Variants in COBL observed in about 807,000 individuals in gnomAD.
COBL encodes protein cordon-bleu.
A neutral mutation model predicts 98.8 loss-of-function variants in COBL; 51 were observed. The observed-to-expected ratio is 0.52, with a 90% confidence interval of 0.41 to 0.65. COBL has a LOEUF of 0.65. COBL is among the 30% of genes least tolerant of loss of function. The pLI, the probability that COBL is intolerant of heterozygous loss-of-function variation, is 0.00. For synonymous variants in COBL, 634 were observed against 651.7 expected (o/e 0.97, Z 0.41); for missense variants, 1,617 against 1,617.5 (o/e 1.00, Z 0.01).
intron 5 of COBL, among the ~76,000 whole-genome samples, chr7:51,150,620 A>G (rs528212707): frequency 6.7e-4 from 102 of 152,320 alleles, no homozygotes; most frequent in Non-Finnish European, 1.1e-3. Context: ...GAGAAAACAG[A>G]AACTATAACT....
chr7:51,216,686 T>G (rs575141502), intron 2 of COBL, among the ~76,000 whole-genome samples: 23 of 152,182 alleles, frequency 1.5e-4, no homozygotes, highest in Non-Finnish European at 2.9e-4. Flanking sequence ...AAAAAAAAAT[T>G]CACTGATTTT....
chr7:51,287,545 A>G (rs1800485121), intron 1 of COBL, among the ~76,000 whole-genome samples: 1 of 152,232 alleles, frequency 6.6e-6, no homozygotes, highest in Non-Finnish European at 1.5e-5. Flanking sequence ...GCAAAATGGT[A>G]CAGACACTCT....
chr7:51,301,635 T>C (rs1801977399), intron 1 of COBL, among the ~76,000 whole-genome samples: 1 of 152,234 alleles, frequency 6.6e-6, no homozygotes, highest in East Asian at 1.9e-4. Context: ...GCTCCTCTGC[T>C]TAAGGCCTCT....
At chr7:51,175,951 C>A (rs920357739) in intron 5 of COBL, among the ~76,000 whole-genome samples, 1 of 152,192 alleles carries the variant, frequency 6.6e-6, no homozygotes, top group African/African-American at 2.4e-5. Context: ...ACTACCCCCA[C>A]GGGCAGCTTT....
At chr7:51,030,973 C>A (rs766381717) in intron 8 of COBL, 64 bp from the exon 9 acceptor site, 1 of 1,080,210 alleles carries the variant, frequency 9.3e-7, no homozygotes, top group Non-Finnish European at 1.4e-6. Context: ...GTACTCCTTT[C>A]CAGGAATATC....
chr7:51,264,738 A>T (rs913700472), intron 1 of COBL, among the ~76,000 whole-genome samples: 4 of 152,110 alleles, frequency 2.6e-5, no homozygotes, highest in Admixed American at 2.0e-4. Flanking sequence ...AATGCTTTTA[A>T]ATGCACATTG....
intron 2 of COBL, among the ~76,000 whole-genome samples, chr7:51,199,158 C>G (rs1038082922): frequency 2.0e-5 from 3 of 152,170 alleles, no homozygotes; most frequent in African/African-American, 7.2e-5. Context: ...TGGCTTCAGC[C>G]CCTCTCCACT....
At chr7:51,083,242 A>G (rs1402551476) in intron 7 of COBL, 2 of 1,441,312 alleles carry the variant, frequency 1.4e-6, no homozygotes, top group Non-Finnish European at 1.8e-6. Context: ...TATGGAATCA[A>G]CAGGGAGTTA....
At chr7:51,208,591 A>C (rs1792061643) in intron 2 of COBL, among the ~76,000 whole-genome samples, 1 of 152,260 alleles carries the variant, frequency 6.6e-6, no homozygotes, top group Non-Finnish European at 1.5e-5. Context: ...ACGGGCCATG[A>C]TGACAGTGGC....
intron 1 of COBL, among the ~76,000 whole-genome samples, chr7:51,231,222 T>G (rs543737390): frequency 6.6e-6 from 1 of 152,190 alleles, no homozygotes; most frequent in African/African-American, 2.4e-5. Flanking sequence ...TGTAACCCAG[T>G]GTGGAATCAA....
intron 1 of COBL, among the ~76,000 whole-genome samples, chr7:51,291,935 G>A (rs1406084125): frequency 6.6e-6 from 1 of 152,058 alleles, no homozygotes; most frequent in African/African-American, 2.4e-5. Context: ...GCTGAAACAG[G>A]TATATTACCT....
intron 2 of COBL, among the ~76,000 whole-genome samples, chr7:51,208,787 T>C (rs1053384709): frequency 2.3e-4 from 35 of 152,256 alleles, no homozygotes; most frequent in Admixed American, 4.6e-4. Context: ...CTCTGAAACA[T>C]GTGCTGTGTC....
chr7:51,111,118 G>C (rs559126917), intron 6 of COBL, among the ~76,000 whole-genome samples: 64 of 152,242 alleles, frequency 4.2e-4, no homozygotes, highest in African/African-American at 1.5e-3. Context: ...ACCATATCTT[G>C]ACTACTGTGA....
chr7:51,077,385 T>C (rs889556358), intron 7 of COBL, among the ~76,000 whole-genome samples: 2 of 152,190 alleles, frequency 1.3e-5, no homozygotes, highest in African/African-American at 4.8e-5. Context: ...CTCCTATATG[T>C]GTGATATTTA....
intron 1 of COBL, among the ~76,000 whole-genome samples, chr7:51,242,485 G>A (rs1162614296): frequency 6.6e-6 from 1 of 152,148 alleles, no homozygotes; most frequent in South Asian, 2.1e-4. Flanking sequence ...TGGTATCACA[G>A]GCTGTCCTGG....
At position 51,028,221 on chromosome 7, in the gene COBL, T is replaced by C. The variant is rs1049426992; in HGVS notation, c.2875A>G (p.Arg959Gly). 6.2e-7 allele frequency: 1 copy of C among 1,614,070 alleles called. No individual in the cohort carries two copies. The highest frequency in any genetic ancestry group is 8.5e-7 in the Non-Finnish European group (1 of 1,180,004). ...GGTCTGTCCTGAGTAGACAACTTCC[T>C]GTGTGGGCCAATGACCTCCCCCCTA... ...PPRGEVIGPH[R>G]KLSTQDRPAA... The change falls in exon 10 of 13, where the codon AGG becomes GGG. Residue 959 changes from arginine to glycine, a missense_variant. By Grantham distance (125) the Arg-to-Gly change is moderately radical. This residue lies in a region of COBL where 1,304 missense variants were observed against 1,282.0 expected (regional missense o/e 1.02). Coordinates refer to ENST00000265136, the MANE Select transcript of COBL (RefSeq NM_015198.5).
At chr7:51,112,513 C>A (rs916239541) in intron 6 of COBL, among the ~76,000 whole-genome samples, 7 of 152,214 alleles carry the variant, frequency 4.6e-5, no homozygotes, top group African/African-American at 1.4e-4. Context: ...GGTGTCCCTG[C>A]AGATGCATAG....
chr7:51,048,066 T>A (rs1054611444), intron 7 of COBL, among the ~76,000 whole-genome samples: 5 of 152,154 alleles, frequency 3.3e-5, no homozygotes, highest in Admixed American at 3.3e-4. Context: ...ACTCGGGAAG[T>A]TGAGGCAGAG....
At chr7:51,044,042 C>A (rs1211697918) in intron 7 of COBL, among the ~76,000 whole-genome samples, 1 of 152,164 alleles carries the variant, frequency 6.6e-6, no homozygotes, top group Admixed American at 6.5e-5. Context: ...CTTAATGGAA[C>A]TTGTTTAATG....
Sources: gnomAD v4.1 joint callset for allele counts (sites outside exome capture counted in the v4.1 genomes callset) on GRCh38, gnomAD v4.1.1 for gene constraint, gnomAD v4.1.1 regional missense constraint, MANE v1.5 for transcripts, NCBI Gene and HGNC (gene_info 2026-07-23, HGNC 2026-07-21) for gene names.